FAM110C: variants seen among roughly 807,000 people sequenced by gnomAD.
FAM110C encodes the protein protein FAM110C.
In FAM110C, 19 loss-of-function variants were observed where a neutral mutation model predicts 15.7. That is an observed-to-expected ratio of 1.21 (90% confidence interval 0.85 to 1.78). The LOEUF (loss-of-function observed/expected upper bound fraction) is 1.78, where lower values mean the gene tolerates loss of function less well. FAM110C is among the 40% of genes most tolerant of loss of function. The pLI is 0.00. For synonymous variants in FAM110C, 275 were observed against 233.9 expected, an observed-to-expected ratio of 1.18 and a Z score of -1.61; for missense variants, 547 against 495.7, an observed-to-expected ratio of 1.10 and a Z score of -0.98.
chr2:42,756 GA>G, intron 1 of FAM110C: 2 of 833,466 alleles, frequency 2.4e-6, no homozygotes, highest in Non-Finnish European at 2.9e-6. Context: ...TATCTACCAA[GA>G]GGACAAAAAC....
intron 1 of FAM110C, chr2:44,391 A>G (rs1664219160): frequency 2.0e-6 from 2 of 985,314 alleles, no homozygotes; most frequent in Non-Finnish European, 2.4e-6. Flanking sequence ...AGCCCTGTGC[A>G]AACATCTCTT....
rs916232930 is a variant in FAM110C at position 46,306 on chromosome 2, TCGGGGTCCCGGGTAGCCG to T, written c.62_79del (p.Ala21_Pro26del). On this transcript the variant is annotated inframe_deletion, in exon 1 of 2. Transcript: ENST00000327669. ...GCTCCTGCGCGCCGGCCGCGCGGCG[TCGGGGTCCCGGGTAGCCG>T]CGGGGTCCCGGGGAAGGAGCCGCTC... 9 of 1,329,646 alleles carry T rather than the reference TCGGGGTCCCGGGTAGCCG, an allele frequency of 6.8e-6. No homozygotes were observed. Among genetic ancestry groups the T allele is most frequent in the Non-Finnish European group, 8.6e-6 (9 of 1,046,112 alleles). The allele number at this position is 1,329,646 out of a possible 1,614,324, so 82.4% of individuals were successfully genotyped here.
chr2:46,031 T>TG lies in FAM110C; in HGVS notation c.354dup (p.Arg119GlnfsTer14). ...AAGAGCTTCTTCACCAGGCTTGCCC[T>TG]GGGGCCGTCGGCGCCCGATCCTCGC... is the stretch of plus-strand genomic sequence containing the variant. On this transcript the variant is annotated frameshift_variant, in exon 1 of 2. Transcript: ENST00000327669. LOFTEE classifies it high-confidence loss of function. 3.3e-6 allele frequency: 5 copies of TG among 1,512,372 alleles called. No homozygotes were observed. Among genetic ancestry groups the TG allele is most frequent in the Non-Finnish European group, 4.4e-6 (5 of 1,136,250 alleles). The allele number at this position is 1,512,372 out of a possible 1,614,324, so 93.7% of individuals were successfully genotyped here. A position where few individuals can be genotyped will look rare whatever the true frequency, so the allele number is the denominator to read the frequency against.
At chr2:45,152 C>A (rs572626959) in intron 1 of FAM110C, 3 of 985,410 alleles carry the variant, frequency 3.0e-6, no homozygotes, top group Non-Finnish European at 3.6e-6. Context: ...AATAATAAGC[C>A]AAATGGGACA....
chr2:46,294 G>T lies in FAM110C; in HGVS notation c.92C>A (p.Pro31Gln), dbSNP rs928026854. Residue 31 changes from proline (P) to glutamine (Q), a missense_variant, in exon 1 of 2, where the codon CCG becomes CAG. Coordinates refer to ENST00000327669, the MANE Select transcript of FAM110C (RefSeq NM_001077710.3). ...AATRDPDAAR[P>Q]ARRSAVERLA... ...CCTCTCCACTGCGCTCCTGCGCGCCGGCCGCGCGGCGTCGGGGTCCCGGGT... is the reference window on the plus strand; with the variant it reads ...CCTCTCCACTGCGCTCCTGCGCGCCTGCCGCGCGGCGTCGGGGTCCCGGGT... The T allele has an allele frequency of 4.5e-6, 6 of 1,344,320 alleles. No homozygotes were observed. The highest frequency in any genetic ancestry group is 2.9e-6 in the Non-Finnish European group (3 of 1,052,244). 83.3% of individuals were successfully genotyped at this position (1,344,320 alleles called of 1,614,324 possible).
At chr2:45,044 T>G in intron 1 of FAM110C, 1 of 985,390 alleles carries the variant, frequency 1.0e-6, no homozygotes, top group Non-Finnish European at 1.2e-6. Flanking sequence ...GTCAATGAAC[T>G]CAGGAACTAG....
chr2:45,288 G>A, intron 1 of FAM110C, 152 bp downstream of exon 1: 1 of 1,425,206 alleles, frequency 7.0e-7, no homozygotes, highest in African/African-American at 1.4e-5. Flanking sequence ...ACAAGCCTCT[G>A]CGTCAGTCTC....
chr2:45,747 G>A lies in FAM110C; in HGVS notation c.639C>T (p.Ala213=). Residue 213 remains alanine (A), a synonymous_variant, in exon 1 of 2, where the codon GCC becomes GCT. Transcript: ENST00000327669. ...AGTACTGGAAGAAGGTGTCAGACTC[G>A]GCCAAGGCAGCGGAATAGCGGGAGC... The part of the protein sequence containing the change: ...DLSSRYSAAL[A]ESDTFFQYCG... 1.3e-6 allele frequency: 2 copies of A among 1,591,876 alleles called. No homozygotes were observed. The highest frequency in any genetic ancestry group is 8.5e-7 in the Non-Finnish European group (1 of 1,171,060).
intron 1 of FAM110C, chr2:44,598 C>G: frequency 1.0e-6 from 1 of 985,432 alleles, no homozygotes; most frequent in African/African-American, 1.7e-5. Flanking sequence ...TCTTTCTCTT[C>G]ACTACTTTCC....
intron 1 of FAM110C, chr2:42,809 C>A: frequency 1.0e-6 from 1 of 984,922 alleles, no homozygotes; most frequent in Non-Finnish European, 1.2e-6. Flanking sequence ...GAAAACCTAC[C>A]TTTGTTCGTC....
Position 45,731 on chromosome 2 carries a change from A to G in FAM110C, c.655T>C (p.Phe219Leu), listed in dbSNP as rs1220635597. The G allele has an allele frequency of 1.3e-6, 2 of 1,598,398 alleles. No homozygotes were observed. Among genetic ancestry groups the G allele is most frequent in the Admixed American group, 1.7e-5 (1 of 57,844 alleles). Reference sequence around the variant, plus strand: ...TCGGGGTCCAGGCCGCAGTACTGGAAGAAGGTGTCAGACTCGGCCAAGGCA... The same window carrying G: ...TCGGGGTCCAGGCCGCAGTACTGGAGGAAGGTGTCAGACTCGGCCAAGGCA... ...SAALAESDTF[F>L]QYCGLDPEVV... The change falls in exon 1 of 2, where the codon TTC (phenylalanine) becomes CTC (leucine). Residue 219 changes from phenylalanine to leucine, a missense_variant. Physicochemically the swap from Phe to Leu is conservative, Grantham distance 22. Transcript: ENST00000327669.
chr2:42,768 C>T (rs1664159137), intron 1 of FAM110C: 1 of 930,490 alleles, frequency 1.1e-6, no homozygotes, highest in Non-Finnish European at 1.3e-6. Flanking sequence ...GGACAAAAAC[C>T]TCCAAATATA....
At chr2:45,381 C>A in intron 1 of FAM110C, 59 bp downstream of exon 1, 1 of 1,544,622 alleles carries the variant, frequency 6.5e-7, no homozygotes, top group South Asian at 1.3e-5. Flanking sequence ...CGGTCACACT[C>A]ACCAAGATTC....
chr2:44,468 A>G, intron 1 of FAM110C: 1 of 985,448 alleles, frequency 1.0e-6, no homozygotes, highest in African/African-American at 1.7e-5. Context: ...ATGGCAGAAA[A>G]TAATTTCATC....
At chr2:45,417 C>T (rs780520089) in intron 1 of FAM110C, 23 bp downstream of exon 1, 16 of 1,587,818 alleles carry the variant, frequency 1.0e-5, no homozygotes, top group Admixed American at 1.7e-5. Context: ...GCCAGCCCCG[C>T]CCCCAGCCTT....
In FAM110C at chr2:46,148, G is replaced by T; in HGVS notation, c.238C>A (p.Arg80Ser). ...CPGNDPGPPA[R>S]APAPVARRAI... ...CTGCGCGCCACCGGGGCCGGGGCGC[G>T]GGCCGGGGGCCCAGGGTCGTTCCCC... Residue 80 changes from arginine (R) to serine (S), a missense_variant, in exon 1 of 2, where the codon CGC becomes AGC. Coordinates refer to ENST00000327669, the MANE Select transcript of FAM110C (RefSeq NM_001077710.3). 1 of 1,428,372 alleles carries T rather than the reference G, an allele frequency of 7.0e-7. No individual in the cohort carries two copies. The highest frequency in any genetic ancestry group is 1.5e-5 in the South Asian group (1 of 67,516). The allele number at this position is 1,428,372 out of a possible 1,614,324, so 88.5% of individuals were successfully genotyped here.
rs935947642 is a variant in FAM110C at position 45,841 on chromosome 2, G to A, written c.545C>T (p.Ala182Val). The change falls in exon 1 of 2, where the codon GCC becomes GTC. Residue 182 changes from alanine to valine, a missense_variant. Physicochemically the swap from Ala to Val is moderately conservative, Grantham distance 64. Coordinates refer to ENST00000327669, the MANE Select transcript of FAM110C (RefSeq NM_001077710.3). The stretch of plus-strand genomic sequence containing the variant: ...CCGCGGCTCTGGCCCAGGGGGCGCG[G>A]CCGGGACACTGGAGGGCGCCGCGGA... ...ARSAAPSSVP[A>V]APPGPEPRVV... The A allele has an allele frequency of 1.3e-6, 2 of 1,537,078 alleles. No homozygotes were observed. The highest frequency in any genetic ancestry group is 1.4e-5 in the African/African-American group (1 of 73,014).
At chr2:42,802 AACCT>A in intron 1 of FAM110C, 1 of 984,172 alleles carries the variant, frequency 1.0e-6, no homozygotes, top group Non-Finnish European at 1.2e-6. Context: ...TCACTTAGAA[AACCT>A]ACCTTTGTTC....
At position 40,107 on chromosome 2, in the gene FAM110C, T is replaced by C. The variant is rs1481677660; in HGVS notation, c.*1501A>G. On this transcript the variant is annotated 3_prime_UTR_variant, in exon 2 of 2. Transcript: ENST00000327669. ...TGGCAAACACTCCACTTGCAGTCAATGAAAATCCAATTACACAATATACAC... is the reference window on the plus strand; with the variant it reads ...TGGCAAACACTCCACTTGCAGTCAACGAAAATCCAATTACACAATATACAC... The C allele has an allele frequency of 6.6e-6, 1 of 152,130 alleles. No homozygotes were observed. Among genetic ancestry groups the C allele is most frequent in the Non-Finnish European group, 1.5e-5 (1 of 68,030 alleles). 9.4% of individuals were successfully genotyped at this position (152,130 alleles called of 1,614,324 possible).
Sources: gnomAD v4.1 joint callset for allele counts on GRCh38, gnomAD v4.1.1 for gene constraint, MANE v1.5 for transcripts, NCBI Gene and HGNC (gene_info 2026-07-23, HGNC 2026-07-21) for gene names.